The following DIP2C variants were observed in gnomAD, a reference collection of about 807,000 sequenced individuals.
DIP2C encodes disco-interacting protein 2 homolog C.
DIP2C carries 33 observed loss-of-function variants against 192.4 expected under a neutral mutation model. The observed-to-expected ratio is 0.17, with a 90% confidence interval of 0.13 to 0.23. The LOEUF (loss-of-function observed/expected upper bound fraction) is 0.23. Among genes scored for constraint, DIP2C ranks in the 10% least tolerant of loss-of-function variants. DIP2C has a pLI of 1.00. For synonymous variants in DIP2C, 979 were observed against 864.1 expected (o/e 1.13, Z -2.33); for missense variants, 1,537 against 2,110.1 (o/e 0.73, Z 5.32).
chr10:607,952 T>TGGCTGAGGC lies in DIP2C; in HGVS notation c.85+81533_85+81541dup, dbSNP rs1303313890. ...AGCCCCTCAGTGTGGGTCCCAGAGG[T>TGGCTGAGGC]GGCTGAGGCTTGCGGCTACAGACAC... On this transcript the variant is annotated intron_variant, in intron 1 of 36. Coordinates refer to ENST00000280886, the MANE Select transcript of DIP2C (RefSeq NM_014974.3). Among the ~76,000 whole-genome samples the TGGCTGAGGC allele has an allele frequency of 4.6e-5, 7 of 151,498 alleles. 1 individual carries two copies. Among genetic ancestry groups the TGGCTGAGGC allele is most frequent in the African/African-American group, 1.2e-4 (5 of 41,146 alleles).
chr10:560,499 G>C (rs974764028), intron 1 of DIP2C, among the ~76,000 whole-genome samples: 1 of 152,186 alleles, frequency 6.6e-6, no homozygotes, highest in Non-Finnish European at 1.5e-5. Flanking sequence ...TCGCGGCAGT[G>C]AACACGTGAA....
At chr10:449,781 T>TAAAA (rs370147180) in intron 3 of DIP2C, among the ~76,000 whole-genome samples, 55 of 128,678 alleles carry the variant, frequency 4.3e-4, no homozygotes, top group African/African-American at 9.8e-4. Context: ...TAAAGTATAA[T>TAAAA]TAAAAAAAAA....
chr10:566,484 G>A (rs759672191), intron 1 of DIP2C, among the ~76,000 whole-genome samples: 11 of 152,176 alleles, frequency 7.2e-5, no homozygotes, highest in Non-Finnish European at 1.5e-4. Flanking sequence ...CAGACACACC[G>A]CACACTGATA....
At chr10:480,337 T>TAA (rs1843511311) in intron 2 of DIP2C, among the ~76,000 whole-genome samples, 2 of 145,492 alleles carry the variant, frequency 1.4e-5, no homozygotes, top group African/African-American at 5.2e-5. Flanking sequence ...GCTCACTGGA[T>TAA]GAGGGTCTCA....
chr10:432,918 T>C (rs1966886239), intron 4 of DIP2C, among the ~76,000 whole-genome samples: 2 of 152,240 alleles, frequency 1.3e-5, no homozygotes, highest in Non-Finnish European at 2.9e-5. Context: ...AAGTGTATTG[T>C]TTAATTCCTA....
intron 1 of DIP2C, among the ~76,000 whole-genome samples, chr10:621,916 A>C (rs1282377836): frequency 6.6e-6 from 1 of 152,112 alleles, no homozygotes; most frequent in African/African-American, 2.4e-5. Flanking sequence ...GTCTAAGAAC[A>C]AACCAACAAA....
At chr10:634,221 T>G (rs1167514582) in intron 1 of DIP2C, among the ~76,000 whole-genome samples, 1 of 152,244 alleles carries the variant, frequency 6.6e-6, no homozygotes, top group Non-Finnish European at 1.5e-5. Flanking sequence ...CCCTAGATAC[T>G]GAGGCTCCAC....
intron 1 of DIP2C, among the ~76,000 whole-genome samples, chr10:582,420 CA>C (rs1850727307): frequency 6.6e-6 from 1 of 152,162 alleles, no homozygotes; most frequent in Admixed American, 6.5e-5. Context: ...ATCCCTGCAA[CA>C]AAGAAAAGAA....
chr10:688,928 G>A (rs567691469), intron 1 of DIP2C, among the ~76,000 whole-genome samples: 1 of 151,966 alleles, frequency 6.6e-6, no homozygotes, highest in Non-Finnish European at 1.5e-5. Flanking sequence ...ACCGCTGCAC[G>A]GCCTGAGCCA....
At chr10:505,103 C>T (rs1487456738) in intron 1 of DIP2C, among the ~76,000 whole-genome samples, 3 of 152,192 alleles carry the variant, frequency 2.0e-5, no homozygotes, top group Non-Finnish European at 4.4e-5. Flanking sequence ...AGCACCCTTC[C>T]CGGAACCGTG....
intron 2 of DIP2C, among the ~76,000 whole-genome samples, chr10:481,941 A>G (rs1400561522): frequency 1.3e-5 from 2 of 152,222 alleles, no homozygotes; most frequent in Non-Finnish European, 2.9e-5. Flanking sequence ...CCGGGGCCTC[A>G]GGTGATTTAC....
chr10:569,483 T>C (rs183959678), intron 1 of DIP2C, among the ~76,000 whole-genome samples: 1 of 152,126 alleles, frequency 6.6e-6, no homozygotes, highest in African/African-American at 2.4e-5. Context: ...CGTGAGAAAA[T>C]GAACTAGCTC....
chr10:570,639 G>A (rs1849734635), intron 1 of DIP2C, among the ~76,000 whole-genome samples: 1 of 152,178 alleles, frequency 6.6e-6, no homozygotes, highest in East Asian at 1.9e-4. Context: ...ACACAGGTCT[G>A]CACCTATCGC....
chr10:611,751 G>T (rs1041446127), intron 1 of DIP2C, among the ~76,000 whole-genome samples: 1 of 152,164 alleles, frequency 6.6e-6, no homozygotes, highest in Non-Finnish European at 1.5e-5. Context: ...GAGAGCAGGG[G>T]CTCTTGTTCT....
intron 1 of DIP2C, among the ~76,000 whole-genome samples, chr10:604,052 C>T (rs528502087): frequency 6.6e-6 from 1 of 150,706 alleles, no homozygotes; most frequent in Non-Finnish European, 1.5e-5. Context: ...CCCACACCCC[C>T]TCTGGCCTCT....
chr10:465,879 A>T (rs1044910271), intron 3 of DIP2C, among the ~76,000 whole-genome samples: 11 of 151,774 alleles, frequency 7.2e-5, no homozygotes, highest in Non-Finnish European at 1.6e-4. Context: ...CTGCTCAAGG[A>T]AATAAAAGAG....
intron 6 of DIP2C, among the ~76,000 whole-genome samples, chr10:417,494 G>A (rs1240461282): frequency 3.9e-5 from 6 of 152,180 alleles, no homozygotes; most frequent in South Asian, 2.1e-4. Flanking sequence ...AAAAGTCATC[G>A]CACTGGCAAT....
intron 31 of DIP2C, among the ~76,000 whole-genome samples, chr10:319,811 TTC>T (rs1000808775): frequency 1.4e-4 from 22 of 152,340 alleles, no homozygotes; most frequent in African/African-American, 5.3e-4. Context: ...CTAAATTTTG[TTC>T]TGTTTTTACC....
At chr10:670,142 G>A (rs955489620) in intron 1 of DIP2C, among the ~76,000 whole-genome samples, 3 of 151,928 alleles carry the variant, frequency 2.0e-5, no homozygotes, top group African/African-American at 7.3e-5. Context: ...ACGCATACAC[G>A]TGTACACATA....
Sources: gnomAD v4.1 joint callset for allele counts (sites outside exome capture counted in the v4.1 genomes callset) on GRCh38, gnomAD v4.1.1 for gene constraint, MANE v1.5 for transcripts, NCBI Gene and HGNC (gene_info 2026-07-23, HGNC 2026-07-21) for gene names.